ARHGAP44: variants seen among roughly 807,000 people sequenced by gnomAD.
ARHGAP44 encodes the protein Rho GTPase activating protein 44.
Under a neutral mutation model 106.8 loss-of-function variants are expected in ARHGAP44, and 43 were observed. The observed-to-expected ratio is 0.40, with a 90% CI of 0.32 to 0.52. ARHGAP44 has a LOEUF of 0.52. Ranked by LOEUF, ARHGAP44 falls within the 20% of genes least tolerant of loss-of-function variation. The pLI is 0.48. For missense variants in ARHGAP44, 866 were observed against 1,050.5 expected (o/e 0.82, Z 2.43); for synonymous variants, 439 against 410.3 (o/e 1.07, Z -0.85).
chr17:12,974,292 C>T lies in ARHGAP44; in HGVS notation c.1745C>T (p.Pro582Leu). 6.9e-7 allele frequency: 1 copy of T among 1,447,840 alleles called. No individual in the cohort carries two copies. The highest frequency in any genetic ancestry group is 9.0e-7 in the Non-Finnish European group (1 of 1,107,280). 89.7% of individuals were successfully genotyped at this position (1,447,840 alleles called of 1,614,324 possible). ...ALSPSGLGLQ[P>L]GPERTSTTKS... ...TCTCCATCCGGCCTGGGCCTCCAGC[C>T]TGGGCCCGAGCGCACCAGGTAAGCG... is the stretch of plus-strand genomic sequence containing the variant. Residue 582 changes from proline to leucine, a missense_variant, in exon 18 of 21, where the codon CCT becomes CTT. Pro to Leu is a moderately conservative substitution (Grantham distance 98, BLOSUM62 -3). Transcript: ENST00000379672.
In ARHGAP44 at chr17:12,974,143, C is replaced by T; in HGVS notation, c.1596C>T (p.Ala532=). 6.4e-7 allele frequency: 1 copy of T among 1,564,240 alleles called. No homozygotes were observed. ...GGGTGGCTCGAAGAGGCTCCTCGGC[C>T]GGTCGGAAAGTGTCCTGCGCCCCGC... is the stretch of plus-strand genomic sequence containing the variant. ...TNWVARRGSS[A]GRKVSCAPPS... Residue 532 remains alanine (A), a synonymous_variant, in exon 18 of 21, where the codon GCC becomes GCT. Coordinates refer to ENST00000379672, the MANE Select transcript of ARHGAP44 (RefSeq NM_014859.6).
At chr17:12,943,509 C>T in intron 8 of ARHGAP44, 79 bp from the exon 9 acceptor site, 3 of 1,383,854 alleles carry the variant, frequency 2.2e-6, no homozygotes, top group Admixed American at 3.4e-5. Flanking sequence ...AAGCACCTTT[C>T]TGCAAAATGC....
At chr17:12,908,766 A>G in intron 3 of ARHGAP44, 131 bp from the exon 4 acceptor site, 1 of 699,748 alleles carries the variant, frequency 1.4e-6, no homozygotes, top group African/African-American at 1.8e-5. Flanking sequence ...TTCTATGTTT[A>G]AACCTATTTT....
intron 16 of ARHGAP44, among the ~76,000 whole-genome samples, chr17:12,961,727 C>CT (rs1322817983): frequency 6.6e-6 from 1 of 151,924 alleles, no homozygotes; most frequent in Non-Finnish European, 1.5e-5. Context: ...GAGCAAAACT[C>CT]TGTCTCCAAA....
intron 1 of ARHGAP44, among the ~76,000 whole-genome samples, chr17:12,859,768 C>T (rs2036014698): frequency 6.6e-6 from 1 of 152,218 alleles, no homozygotes; most frequent in South Asian, 2.1e-4. Flanking sequence ...ACAGTAAGCA[C>T]ATGAGCCCAT....
intron 13 of ARHGAP44, among the ~76,000 whole-genome samples, chr17:12,954,533 G>A (rs976822085): frequency 1.3e-5 from 2 of 152,286 alleles, no homozygotes; most frequent in African/African-American, 4.8e-5. Flanking sequence ...GCCGTGCGTG[G>A]AGTTGTCACA....
chr17:12,833,345 C>A (rs1394307863), intron 1 of ARHGAP44, among the ~76,000 whole-genome samples: 2 of 152,146 alleles, frequency 1.3e-5, no homozygotes, highest in Non-Finnish European at 2.9e-5. Context: ...GACATAATAA[C>A]CCCCATTTTA....
At chr17:12,989,140 G>A (rs1014102199) in intron 20 of ARHGAP44, among the ~76,000 whole-genome samples, 31 of 146,156 alleles carry the variant, frequency 2.1e-4, no homozygotes, top group Middle Eastern at 3.6e-3. Flanking sequence ...GCAGGCGGAG[G>A]AAGGGGACAG....
chr17:12,903,160 T>A (rs1391549101), intron 3 of ARHGAP44, among the ~76,000 whole-genome samples: 15 of 149,744 alleles, frequency 1.0e-4, no homozygotes, highest in African/African-American at 3.0e-4. Context: ...TGTGTGTGTG[T>A]GTGTGTGTGT....
At chr17:12,913,679 C>T (rs538959220) in intron 4 of ARHGAP44, among the ~76,000 whole-genome samples, 3 of 111,484 alleles carry the variant, frequency 2.7e-5, no homozygotes, top group African/African-American at 6.0e-5. Flanking sequence ...TTTGGGAGGC[C>T]GAGGCAGGTG....
intron 1 of ARHGAP44, among the ~76,000 whole-genome samples, chr17:12,805,770 T>C (rs993535207): frequency 6.6e-6 from 1 of 152,200 alleles, no homozygotes; most frequent in Non-Finnish European, 1.5e-5. Flanking sequence ...GGAGTGCTCT[T>C]AGCATCAGTA....
chr17:12,841,259 C>G lies in ARHGAP44; in HGVS notation c.53+51368C>G, dbSNP rs981515074. Among the ~76,000 whole-genome samples, 5 of 152,152 alleles carry G rather than the reference C, an allele frequency of 3.3e-5. No individual in the cohort carries two copies. In the South Asian group the frequency reaches 1.0e-3, roughly 31 times the overall value. On this transcript the variant is annotated intron_variant, in intron 1 of 20. Transcript: ENST00000379672. ...TCACCTCGAGAGTGAGGGCCCAGAA[C>G]TAGGAAATGGATTACCAATGCCTTT...
intron 1 of ARHGAP44, among the ~76,000 whole-genome samples, chr17:12,810,894 A>G (rs1054586656): frequency 5.3e-5 from 8 of 152,220 alleles, no homozygotes; most frequent in Non-Finnish European, 7.3e-5. Flanking sequence ...TTAACTACCA[A>G]TAGCCTCCGG....
intron 16 of ARHGAP44, among the ~76,000 whole-genome samples, chr17:12,971,480 A>G (rs573955568): frequency 1.3e-5 from 2 of 152,216 alleles, no homozygotes; most frequent in Admixed American, 6.5e-5. Flanking sequence ...ATCCTCACCA[A>G]CCATTGCAAC....
rs748384166 is a variant in ARHGAP44, at chr17:12,958,943, G to A, written c.1523+46G>A. 4.5e-6 allele frequency: 7 copies of A among 1,568,550 alleles called. No homozygotes were observed. In the South Asian group the frequency reaches 7.0e-5, roughly 16 times the overall value. ...CTCAGCACTGGGGATTAGGGGAGGT[G>A]GTGGGGGTGGATGGGTGACGCATAA... is the stretch of plus-strand genomic sequence containing the variant. On this transcript the variant is annotated intron_variant, in intron 16 of 20. Coordinates refer to ENST00000379672, the MANE Select transcript of ARHGAP44 (RefSeq NM_014859.6). This position sits in a 1 kb window ranked among gnomAD's most constrained non-coding sequence, Gnocchi z 4.1.
rs538212125 is a variant in ARHGAP44 at position 12,838,095 on chromosome 17, G to A, written c.53+48204G>A. On this transcript the variant is annotated intron_variant, in intron 1 of 20. Transcript: ENST00000379672. The stretch of plus-strand genomic sequence containing the variant: ...CTTTACTATTGTTCATTTCTTCATC[G>A]TTGTAAATATTTAAATAACATTTTA... 2.6e-5 allele frequency among the ~76,000 whole-genome samples: 4 copies of A among 151,926 alleles called. No individual in the cohort carries two copies. The East Asian group carries it at 7.7e-4, about 29-fold the overall frequency.
chr17:12,939,057 C>T (rs2038632855), intron 7 of ARHGAP44, among the ~76,000 whole-genome samples: 1 of 152,208 alleles, frequency 6.6e-6, no homozygotes. Context: ...TTGAAATGTC[C>T]TCCTCCAGCT....
intron 16 of ARHGAP44, among the ~76,000 whole-genome samples, chr17:12,963,984 CA>C (rs2039330276): frequency 6.6e-6 from 1 of 152,114 alleles, no homozygotes; most frequent in African/African-American, 2.4e-5. Context: ...TTTAATTTAT[CA>C]AAACTTTCCT....
At chr17:12,931,812 A>G (rs1009790730) in intron 7 of ARHGAP44, among the ~76,000 whole-genome samples, 3 of 150,126 alleles carry the variant, frequency 2.0e-5, no homozygotes, top group Non-Finnish European at 4.4e-5. Flanking sequence ...AGTCTTTTTT[A>G]TAAATTGCAT....
Sources: allele counts gnomAD v4.1 joint callset (sites outside exome capture counted in the v4.1 genomes callset), GRCh38; gene constraint gnomAD v4.1.1; non-coding constraint Gnocchi (gnomAD v3.1); transcripts MANE v1.5; gene names NCBI Gene and HGNC (gene_info 2026-07-23, HGNC 2026-07-21).